The following RNF115 variants were observed in gnomAD, a reference collection of about 807,000 sequenced individuals.
RNF115 encodes E3 ubiquitin-protein ligase RNF115.
RNF115 carries 31 observed loss-of-function variants against 39.2 expected under a neutral mutation model. That is an observed-to-expected ratio of 0.79 (90% CI 0.59 to 1.07). The LOEUF is 1.07. Among genes scored for constraint, RNF115 ranks in the 50% least tolerant of loss-of-function variants. RNF115 has a pLI of 0.00. For missense variants in RNF115, 384 were observed against 381.7 expected, an observed-to-expected ratio of 1.01 and a Z score of -0.05; for synonymous variants, 124 against 131.0, an observed-to-expected ratio of 0.95 and a Z score of 0.37.
chr1:145,742,262 G>C lies in RNF115; in HGVS notation c.*4604C>G, dbSNP rs1292663381. The C allele has an allele frequency of 6.6e-6, 1 of 152,088 alleles. No individual in the cohort carries two copies. The highest frequency in any genetic ancestry group is 2.4e-5 in the African/African-American group (1 of 41,382). 9.4% of individuals were successfully genotyped at this position (152,088 alleles called of 1,614,324 possible). The stretch of plus-strand genomic sequence containing the variant: ...TTGAGGGAATAGCACCTGGAAACCA[G>C]GGAGAAAGAAGCTGAAGCATGCAGG... On this transcript the variant is annotated 3_prime_UTR_variant, in exon 9 of 9. Coordinates refer to ENST00000582693, the MANE Select transcript of RNF115 (RefSeq NM_014455.4).
At chr1:145,776,312 C>T (rs1571740628) in intron 3 of RNF115, among the ~76,000 whole-genome samples, 1 of 151,458 alleles carries the variant, frequency 6.6e-6, no homozygotes, top group East Asian at 2.0e-4. Flanking sequence ...TTACAGGTGT[C>T]TGCCACCATG....
At chr1:145,771,974 G>A (rs1647663898) in intron 3 of RNF115, 55 bp from the exon 4 acceptor site, 1 of 1,413,672 alleles carries the variant, frequency 7.1e-7, no homozygotes, top group South Asian at 1.2e-5. Flanking sequence ...ATAAACACCT[G>A]GATTGTTTAC....
At chr1:145,747,055 T>C (rs1657904076) in intron 8 of RNF115, 58 bp from the exon 9 acceptor site, 1 of 1,529,802 alleles carries the variant, frequency 6.5e-7, no homozygotes, top group African/African-American at 1.4e-5. Context: ...CTGGGAGTAT[T>C]GTACACTTAA....
chr1:145,784,769 A>G (rs1253774320), intron 2 of RNF115, among the ~76,000 whole-genome samples, 173 bp from the exon 3 acceptor site: 1 of 152,190 alleles, frequency 6.6e-6, no homozygotes, highest in Non-Finnish European at 1.5e-5. Flanking sequence ...TTAATCTATG[A>G]AAAGTATCAT....
At chr1:145,799,873 C>T (rs1459967758) in intron 1 of RNF115, among the ~76,000 whole-genome samples, 7 of 152,016 alleles carry the variant, frequency 4.6e-5, no homozygotes, top group East Asian at 1.9e-4. Flanking sequence ...GAATTACAGG[C>T]ATAAGCCAAC....
intron 1 of RNF115, among the ~76,000 whole-genome samples, chr1:145,812,906 C>A: frequency 6.8e-6 from 1 of 146,412 alleles, no homozygotes; most frequent in Non-Finnish European, 1.5e-5. Flanking sequence ...CAGGTGTTAG[C>A]CACCATACCT....
chr1:145,766,041 C>T (rs1382617909), intron 4 of RNF115, among the ~76,000 whole-genome samples: 19 of 150,184 alleles, frequency 1.3e-4, no homozygotes, highest in Middle Eastern at 3.5e-3. Context: ...GGGTGTTTCT[C>T]GCAGAGGGAG....
intron 1 of RNF115, among the ~76,000 whole-genome samples, chr1:145,797,652 A>G (rs1649043629): frequency 6.6e-6 from 1 of 152,312 alleles, no homozygotes; most frequent in Middle Eastern, 3.4e-3. Flanking sequence ...ACTTCTGGAT[A>G]CATATCCAGA....
At chr1:145,803,821 AGT>A (rs1366947078) in intron 1 of RNF115, among the ~76,000 whole-genome samples, 1 of 152,260 alleles carries the variant, frequency 6.6e-6, no homozygotes, top group African/African-American at 2.4e-5. Context: ...CACAAGACAA[AGT>A]GTTACTTGAT....
At chr1:145,767,779 C>G (rs374326831) in intron 4 of RNF115, among the ~76,000 whole-genome samples, 12 of 152,222 alleles carry the variant, frequency 7.9e-5, no homozygotes, top group Non-Finnish European at 1.8e-4. Flanking sequence ...GAGACCAGCC[C>G]GGCCAACACA....
chr1:145,800,740 G>T lies in RNF115; in HGVS notation c.103-11774C>A, dbSNP rs10752829. Among the ~76,000 whole-genome samples the T allele has an allele frequency of 1.6e-4, 25 of 152,128 alleles. No homozygotes were observed. The South Asian group carries it at 4.6e-3, about 28-fold the overall frequency. ...ACCACAACCACATGAAAGACCTTAAGGGGAGAAGTGTCCAGCTGAACCCTG... is the reference window on the plus strand; with the variant it reads ...ACCACAACCACATGAAAGACCTTAATGGGAGAAGTGTCCAGCTGAACCCTG... On this transcript the variant is annotated intron_variant, in intron 1 of 8. Coordinates refer to ENST00000582693, the MANE Select transcript of RNF115 (RefSeq NM_014455.4).
At position 145,746,445 on chromosome 1, in the gene RNF115, A is replaced by G. The variant is rs1236778236; in HGVS notation, c.*421T>C. The G allele has an allele frequency of 2.0e-5, 3 of 153,058 alleles. No individual in the cohort carries two copies. Among genetic ancestry groups the G allele is most frequent in the Non-Finnish European group, 2.9e-5 (2 of 68,826 alleles). 9.5% of individuals were successfully genotyped at this position (153,058 alleles called of 1,614,324 possible). ...AATACAATTAAGACAAAAGGACTTT[A>G]TATCAGCAGGACTTTAGGGCTGTGG... On this transcript the variant is annotated 3_prime_UTR_variant, in exon 9 of 9. Transcript: ENST00000582693.
rs587622759 is a variant in RNF115 at position 145,792,197 on chromosome 1, C to T, written c.103-3231G>A. ...CCTCCCAAAGTGCTGGAATTACAGGCATGAAACACTGTGCCCAGTTCAACT... is the reference window on the plus strand; with the variant it reads ...CCTCCCAAAGTGCTGGAATTACAGGTATGAAACACTGTGCCCAGTTCAACT... On this transcript the variant is annotated intron_variant, in intron 1 of 8. Transcript: ENST00000582693. Among the ~76,000 whole-genome samples, 20 of 152,308 alleles carry T rather than the reference C, an allele frequency of 1.3e-4. No homozygotes were observed. The South Asian group carries it at 3.7e-3, about 28-fold the overall frequency.
At chr1:145,787,766 G>A (rs1553718342) in intron 2 of RNF115, among the ~76,000 whole-genome samples, 1 of 151,772 alleles carries the variant, frequency 6.6e-6, no homozygotes, top group Non-Finnish European at 1.5e-5. Context: ...TCAGACACCT[G>A]TAGTCCCAGC....
chr1:145,776,229 A>C (rs2101542002), intron 3 of RNF115, among the ~76,000 whole-genome samples: 1 of 142,796 alleles, frequency 7.0e-6, no homozygotes, highest in South Asian at 2.2e-4. Context: ...CAGTGGCACC[A>C]TCCTGGCTCA....
At chr1:145,796,016 CAA>C (rs1571766244) in intron 1 of RNF115, among the ~76,000 whole-genome samples, 1 of 152,152 alleles carries the variant, frequency 6.6e-6, no homozygotes, top group East Asian at 1.9e-4. Flanking sequence ...GATTTCAGAA[CAA>C]AGTCTGGTCT....
At chr1:145,761,652 C>T (rs370704149) in intron 4 of RNF115, among the ~76,000 whole-genome samples, 3 of 152,316 alleles carry the variant, frequency 2.0e-5, no homozygotes. Flanking sequence ...GCTGCAGGGG[C>T]GGAGCCCTCA....
chr1:145,814,771 C>T (rs1186023655), intron 1 of RNF115, among the ~76,000 whole-genome samples: 8 of 152,054 alleles, frequency 5.3e-5, no homozygotes, highest in African/African-American at 1.9e-4. Context: ...AGTAGAATTA[C>T]AAGGATAAAC....
chr1:145,745,832 C>G lies in RNF115; in HGVS notation c.*1034G>C, dbSNP rs1553711650. ...GTGCCTGTATGCTGCCCAACTCATTCCCAAAAAGGAATGGGAATCAGATTC... is the reference window on the plus strand; with the variant it reads ...GTGCCTGTATGCTGCCCAACTCATTGCCAAAAAGGAATGGGAATCAGATTC... On this transcript the variant is annotated 3_prime_UTR_variant, in exon 9 of 9. Transcript: ENST00000582693. 3 of 151,934 alleles carry G rather than the reference C, an allele frequency of 2.0e-5. No homozygotes were observed. Among genetic ancestry groups the G allele is most frequent in the African/African-American group, 7.2e-5 (3 of 41,382 alleles). The allele number at this position is 151,934 out of a possible 1,614,324, so 9.4% of individuals were successfully genotyped here.
Sources: allele counts gnomAD v4.1 joint callset (sites outside exome capture counted in the v4.1 genomes callset), GRCh38; gene constraint gnomAD v4.1.1; transcripts MANE v1.5; gene names NCBI Gene and HGNC (gene_info 2026-07-23, HGNC 2026-07-21).